DSCAML1: variants seen among roughly 807,000 people sequenced by gnomAD.
The protein encoded by DSCAML1 is DS cell adhesion molecule like 1, also known as cell adhesion molecule DSCAML1.
A neutral mutation model predicts 200.5 loss-of-function variants in DSCAML1; 38 were observed. That is an observed-to-expected ratio of 0.19 (90% CI 0.15 to 0.25). The LOEUF is 0.25. Among genes scored for constraint, DSCAML1 ranks in the 10% least tolerant of loss-of-function variants. The pLI is 1.00. For synonymous variants in DSCAML1, 1,215 were observed against 1,165.0 expected, an observed-to-expected ratio of 1.04 and a Z score of -0.87; for missense variants, 2,223 against 2,858.8, an observed-to-expected ratio of 0.78 and a Z score of 5.07.
chr11:117,611,953 T>C (rs1274301641), intron 3 of DSCAML1: 2 of 152,046 alleles, frequency 1.3e-5, no homozygotes, highest in Non-Finnish European at 2.9e-5. Context: ...AATATCGGAG[T>C]TGTCTATGGA....
chr11:117,769,134 AT>A (rs2054953705), intron 3 of DSCAML1, among the ~76,000 whole-genome samples: 1 of 124,508 alleles, frequency 8.0e-6, no homozygotes, highest in Admixed American at 1.1e-4. Context: ...TATTATGTAT[AT>A]TATATATTAT....
At chr11:117,688,762 T>G (rs1249382641) in intron 3 of DSCAML1, among the ~76,000 whole-genome samples, 1 of 152,182 alleles carries the variant, frequency 6.6e-6, no homozygotes. Flanking sequence ...GAATGTACAA[T>G]CTAATCACCA....
intron 3 of DSCAML1, among the ~76,000 whole-genome samples, chr11:117,566,722 T>G (rs1362658728): frequency 7.3e-6 from 1 of 136,364 alleles, no homozygotes; most frequent in Non-Finnish European, 1.6e-5. Flanking sequence ...ATGCTATCCC[T>G]CCCCACTCCC....
intron 3 of DSCAML1, among the ~76,000 whole-genome samples, chr11:117,564,418 A>G (rs1278301016): frequency 1.3e-5 from 2 of 152,226 alleles, no homozygotes; most frequent in Non-Finnish European, 2.9e-5. Context: ...GGCCAAAGGG[A>G]CATTGCTCTG....
rs2052419747 is a variant in DSCAML1, at chr11:117,642,007, C to T, written c.512-109485G>A. Reference sequence around the variant, plus strand: ...TCTTCTGCCACCAAGCTAGCAGTCTCCTGCTACCCCACCCTGCCTCTCCCC... The same window carrying T: ...TCTTCTGCCACCAAGCTAGCAGTCTTCTGCTACCCCACCCTGCCTCTCCCC... On this transcript the variant is annotated intron_variant, in intron 3 of 32. Transcript: ENST00000651296. This position sits in a 1 kb window ranked among gnomAD's most constrained non-coding sequence, Gnocchi z 4.1. 6.6e-6 allele frequency among the ~76,000 whole-genome samples: 1 copy of T among 152,148 alleles called. No individual in the cohort carries two copies. The highest frequency in any genetic ancestry group is 1.5e-5 in the Non-Finnish European group (1 of 68,036).
At chr11:117,549,679 G>A (rs539772028) in intron 3 of DSCAML1, among the ~76,000 whole-genome samples, 14 of 152,092 alleles carry the variant, frequency 9.2e-5, no homozygotes, top group Non-Finnish European at 2.1e-4. Flanking sequence ...CGTCTACATC[G>A]GTACACTCCG....
intron 30 of DSCAML1, among the ~76,000 whole-genome samples, 188 bp from the exon 31 acceptor site, chr11:117,431,916 GTT>G (rs1189677842): frequency 6.6e-6 from 1 of 152,082 alleles, no homozygotes; most frequent in Non-Finnish European, 1.5e-5. Context: ...TCGAGTCAAG[GTT>G]GGGGAGGGGG....
At chr11:117,611,350 A>G (rs926875694) in intron 3 of DSCAML1, 2 of 152,206 alleles carry the variant, frequency 1.3e-5, no homozygotes, top group Non-Finnish European at 2.9e-5. Flanking sequence ...TATGGTGAGT[A>G]TTATTCTTGC....
At chr11:117,587,258 C>CCCCA (rs2051164565) in intron 3 of DSCAML1, among the ~76,000 whole-genome samples, 1 of 147,560 alleles carries the variant, frequency 6.8e-6, no homozygotes, top group South Asian at 2.3e-4. Flanking sequence ...TTCCAACCCC[C>CCCCA]CCCCACGATT....
At chr11:117,610,271 C>A (rs2051661501) in intron 3 of DSCAML1, among the ~76,000 whole-genome samples, 1 of 152,190 alleles carries the variant, frequency 6.6e-6, no homozygotes, top group South Asian at 2.1e-4. Flanking sequence ...TTCCTCCCGC[C>A]CCCTTTTGCG....
At chr11:117,624,258 A>G (rs1381573307) in intron 3 of DSCAML1, among the ~76,000 whole-genome samples, 2 of 152,184 alleles carry the variant, frequency 1.3e-5, no homozygotes, top group African/African-American at 2.4e-5. Flanking sequence ...GATGGGGAGC[A>G]GAGCCAGGAG....
Position 117,780,677 on chromosome 11 carries a change from G to A in DSCAML1, c.180C>T (p.Tyr60=). 6.3e-7 allele frequency: 1 copy of A among 1,593,920 alleles called. No homozygotes were observed. The highest frequency in any genetic ancestry group is 8.6e-7 in the Non-Finnish European group (1 of 1,169,008). The stretch of plus-strand genomic sequence containing the variant: ...CGTAGATGTCGTCCCCTGTGGCCAG[G>A]TACCATCGAAGGGCCGCGCTGGGGG... ...AGSPSAALRW[Y]LATGDDIYDV... Residue 60 remains tyrosine, a synonymous_variant, in exon 2 of 33, where the codon TAC becomes TAT. Transcript: ENST00000651296. This position sits in a 1 kb window ranked among gnomAD's most constrained non-coding sequence, Gnocchi z 4.8.
chr11:117,461,736 A>G, intron 17 of DSCAML1, 140 bp from the exon 18 acceptor site: 2 of 728,964 alleles, frequency 2.7e-6, no homozygotes, highest in Admixed American at 5.5e-5. Context: ...TCCTGACTTG[A>G]GCATCCTGAT....
intron 14 of DSCAML1, among the ~76,000 whole-genome samples, chr11:117,476,759 G>A (rs1164127874): frequency 6.6e-6 from 1 of 152,246 alleles, no homozygotes; most frequent in Non-Finnish European, 1.5e-5. Context: ...AAGTCAGCAT[G>A]AGTGGGATGG....
In DSCAML1 at chr11:117,469,910, CT is replaced by C; in HGVS notation, c.3023del (p.Lys1008ArgfsTer35). The C allele has an allele frequency of 6.2e-7, 1 of 1,604,900 alleles. No individual in the cohort carries two copies. Among genetic ancestry groups the C allele is most frequent in the Non-Finnish European group, 8.5e-7 (1 of 1,174,158 alleles). On this transcript the variant is annotated frameshift_variant and splice_region_variant, in exon 16 of 33. Transcript: ENST00000651296. LOFTEE classifies it high-confidence loss of function. This position sits in a 1 kb window ranked among gnomAD's most constrained non-coding sequence, Gnocchi z 4.1. The stretch of plus-strand genomic sequence containing the variant: ...GGGGAGATGCCTTAGACACACTTAC[CT>C]TCCAGGTCACCTGGATGCTCTGTGA... ...VTSQSIQVTWKAPKKELQNGV... is the reference protein window; with the variant it reads ...VTSQSIQVTWXAPKKELQNGV...
intron 3 of DSCAML1, among the ~76,000 whole-genome samples, chr11:117,570,662 TG>T (rs2050833210): frequency 6.6e-6 from 1 of 152,218 alleles, no homozygotes; most frequent in Non-Finnish European, 1.5e-5. Context: ...ATCTATTGTG[TG>T]TGTATGCAAG....
In DSCAML1 at chr11:117,469,649, C is replaced by T. The variant is rs1261935007; in HGVS notation, c.3024+261G>A. On this transcript the variant is annotated intron_variant, in intron 16 of 32. Transcript: ENST00000651296. This position sits in a 1 kb window ranked among gnomAD's most constrained non-coding sequence, Gnocchi z 4.1. ...GAGGAACCATCTTCCCTCCTTGGCA[C>T]TGCAAGTTTTTCGTTCCACCCCAGG... Among the ~76,000 whole-genome samples, 1 of 152,098 alleles carries T rather than the reference C, an allele frequency of 6.6e-6. No individual in the cohort carries two copies. Among genetic ancestry groups the T allele is most frequent in the Admixed American group, 6.6e-5 (1 of 15,256 alleles).
At chr11:117,472,761 T>C (rs768725673) in intron 14 of DSCAML1, among the ~76,000 whole-genome samples, 7 of 152,186 alleles carry the variant, frequency 4.6e-5, no homozygotes, top group Non-Finnish European at 8.8e-5. Flanking sequence ...ATAAATACCA[T>C]TCAGGTGTGA....
In DSCAML1 at chr11:117,439,390, C is replaced by A. The variant is rs140948944; in HGVS notation, c.4020G>T (p.Arg1340=). 5 of 1,613,614 alleles carry A rather than the reference C, an allele frequency of 3.1e-6. No homozygotes were observed. In the African/African-American group the frequency reaches 5.3e-5, roughly 17 times the overall value. The change falls in exon 23 of 33, where the codon CGG becomes CGT. Residue 1340 remains arginine (R), a synonymous_variant. Transcript: ENST00000651296. ...GCAGTGTGCCATTGGTGTGGATGAGCCGGTGCCCATCCATGGACACTGGAA... is the reference window on the plus strand; with the variant it reads ...GCAGTGTGCCATTGGTGTGGATGAGACGGTGCCCATCCATGGACACTGGAA... ...SAIPVSMDGH[R]LIHTNGTLLL...
Sources: allele counts gnomAD v4.1 joint callset (sites outside exome capture counted in the v4.1 genomes callset), GRCh38; gene constraint gnomAD v4.1.1; non-coding constraint Gnocchi (gnomAD v3.1); transcripts MANE v1.5; gene names NCBI Gene and HGNC (gene_info 2026-07-23, HGNC 2026-07-21).